NF1: variants seen among roughly 807,000 people sequenced by gnomAD.
NF1 encodes the protein neurofibromin 1.
A neutral mutation model predicts 325.7 loss-of-function variants in NF1; 122 were observed. That is an observed-to-expected ratio of 0.37 (90% CI 0.32 to 0.44). The LOEUF (loss-of-function observed/expected upper bound fraction) is 0.44, where lower values mean the gene tolerates loss of function less well. NF1 is among the 20% of genes least tolerant of loss of function. NF1 has a pLI of 1.00. For missense variants in NF1, 2,140 were observed against 3,415.4 expected (o/e 0.63, Z 9.31); for synonymous variants, 1,091 against 1,186.0 (o/e 0.92, Z 1.65).
At chr17:31,150,110 G>A (rs1286146281) in intron 1 of NF1, among the ~76,000 whole-genome samples, 1 of 152,140 alleles carries the variant, frequency 6.6e-6, no homozygotes, top group Non-Finnish European at 1.5e-5. Context: ...TGAAATGCTT[G>A]GGACCAGAAG....
intron 1 of NF1, among the ~76,000 whole-genome samples, chr17:31,099,436 T>G (rs1177916998): frequency 6.6e-6 from 1 of 152,186 alleles, no homozygotes; most frequent in Admixed American, 6.6e-5. Context: ...AAATGACAGT[T>G]GCACAGGTGG....
At chr17:31,182,732 A>T in intron 8 of NF1, 67 bp downstream of exon 8, 1 of 1,435,350 alleles carries the variant, frequency 7.0e-7, no homozygotes, top group Non-Finnish European at 9.6e-7. Context: ...CAAGGTGTGT[A>T]TTACTTTAGG....
At chr17:31,097,499 A>G (rs1911849995) in intron 1 of NF1, among the ~76,000 whole-genome samples, 1 of 149,032 alleles carries the variant, frequency 6.7e-6, no homozygotes, top group Non-Finnish European at 1.5e-5. Flanking sequence ...GATTTTGATT[A>G]TATACCCAGT....
intron 29 of NF1, among the ~76,000 whole-genome samples, chr17:31,240,523 T>C (rs1182591303): frequency 6.6e-6 from 1 of 152,220 alleles, no homozygotes; most frequent in East Asian, 1.9e-4. Flanking sequence ...CTATTGTGAA[T>C]AGTGCTGCAA....
chr17:31,361,986 GGTTT>G (rs2070411698), intron 57 of NF1, among the ~76,000 whole-genome samples: 1 of 152,090 alleles, frequency 6.6e-6, no homozygotes, highest in Non-Finnish European at 1.5e-5. Context: ...CATGTAACAA[GGTTT>G]GTTTGCCCTC....
At chr17:31,229,570 A>G in intron 21 of NF1, 105 bp downstream of exon 21, 1 of 1,375,420 alleles carries the variant, frequency 7.3e-7, no homozygotes, top group African/African-American at 1.5e-5. Context: ...ACAGTTTTTA[A>G]AAATTTCCAA....
intron 1 of NF1, among the ~76,000 whole-genome samples, chr17:31,132,596 A>G (rs1336263596): frequency 6.6e-6 from 1 of 152,106 alleles, no homozygotes; most frequent in African/African-American, 2.4e-5. Context: ...TGTTTTGTTA[A>G]TTTTGTTGTT....
intron 57 of NF1, chr17:31,367,357 A>ACTCACC: frequency 2.1e-6 from 2 of 945,072 alleles, no homozygotes; most frequent in South Asian, 2.8e-5. Flanking sequence ...ATGAGACTTT[A>ACTCACC]CTCACCGGTC....
intron 36 of NF1, chr17:31,304,079 T>C (rs2068640407): frequency 1.9e-6 from 1 of 535,158 alleles, no homozygotes; most frequent in African/African-American, 1.9e-5. Context: ...AGTAAATAGA[T>C]TACTGTTAAA....
chr17:31,294,831 A>G (rs896300339), intron 36 of NF1: 2 of 737,962 alleles, frequency 2.7e-6, no homozygotes, highest in East Asian at 2.7e-5. Flanking sequence ...AAGTACCAAG[A>G]CATTGTGCAT....
chr17:31,184,424 C>T (rs989456251), intron 8 of NF1, among the ~76,000 whole-genome samples: 6 of 151,538 alleles, frequency 4.0e-5, no homozygotes, highest in African/African-American at 9.7e-5. Flanking sequence ...CCGAGGCGGG[C>T]GGATCACGAG....
At chr17:31,248,861 G>A in intron 29 of NF1, 123 bp from the exon 30 acceptor site, 1 of 824,622 alleles carries the variant, frequency 1.2e-6, no homozygotes, top group Non-Finnish European at 1.9e-6. Flanking sequence ...GTTGTTTAAA[G>A]ATTCCAATGA....
At chr17:31,119,787 T>G (rs1032441037) in intron 1 of NF1, among the ~76,000 whole-genome samples, 5 of 152,212 alleles carry the variant, frequency 3.3e-5, no homozygotes, top group Admixed American at 3.3e-4. Flanking sequence ...AATTTTTGTA[T>G]AAGGTATAAC....
chr17:31,255,368 G>A (rs996806893), intron 31 of NF1, among the ~76,000 whole-genome samples: 9 of 151,878 alleles, frequency 5.9e-5, no homozygotes, highest in Admixed American at 1.3e-4. Flanking sequence ...AAACACTAGA[G>A]CATGTATGTA....
rs1473946358 is a variant in NF1, at chr17:31,361,908, C to T, written c.8377+1205C>T. 3.3e-5 allele frequency among the ~76,000 whole-genome samples: 5 copies of T among 152,218 alleles called. No individual in the cohort carries two copies. In the East Asian group the frequency reaches 9.6e-4, roughly 29 times the overall value. ...GCAGAGGAAACAAATTTTATTTCCA[C>T]ATTTGTCAGTCGCCTTACAAGTAAT... On this transcript the variant is annotated intron_variant, in intron 57 of 57. Coordinates refer to ENST00000358273, the MANE Select transcript of NF1 (RefSeq NM_001042492.3).
At chr17:31,270,808 A>T (rs576293934) in intron 36 of NF1, among the ~76,000 whole-genome samples, 4 of 152,260 alleles carry the variant, frequency 2.6e-5, no homozygotes, top group African/African-American at 9.6e-5. Context: ...CTACATAATA[A>T]CCTTCTGAGA....
At chr17:31,360,799 T>C (rs912181256) in intron 57 of NF1, 96 bp downstream of exon 57, 9 of 1,094,416 alleles carry the variant, frequency 8.2e-6, no homozygotes, top group Non-Finnish European at 1.3e-5. Flanking sequence ...ATTTTGCTCC[T>C]TTTTCTTATG....
At chr17:31,147,515 C>G (rs932470976) in intron 1 of NF1, among the ~76,000 whole-genome samples, 5 of 152,042 alleles carry the variant, frequency 3.3e-5, no homozygotes, top group African/African-American at 1.2e-4. Flanking sequence ...CATTGTTGTG[C>G]ATGTCTTTTG....
chr17:31,337,780 T>C, intron 43 of NF1, 39 bp from the exon 44 acceptor site: 1 of 1,595,744 alleles, frequency 6.3e-7, no homozygotes, highest in Non-Finnish European at 8.6e-7. Context: ...TCTAAAAACA[T>C]TTATGTACAA....
Sources: allele counts gnomAD v4.1 joint callset (sites outside exome capture counted in the v4.1 genomes callset), GRCh38; gene constraint gnomAD v4.1.1; transcripts MANE v1.5; gene names NCBI Gene and HGNC (gene_info 2026-07-23, HGNC 2026-07-21).